Variants in ANK3 observed in about 807,000 individuals in gnomAD.
ANK3 encodes ankyrin-3.
In ANK3, 57 loss-of-function variants were observed where a neutral mutation model predicts 370.9. The observed-to-expected ratio is 0.15, with a 90% CI of 0.12 to 0.19. ANK3 has a LOEUF of 0.19. Ranked by LOEUF, ANK3 falls within the 10% of genes least tolerant of loss-of-function variation. ANK3 has a pLI of 1.00. For synonymous variants in ANK3, 1,929 were observed against 1,946.3 expected (o/e 0.99, Z 0.23); for missense variants, 4,439 against 5,302.1 (o/e 0.84, Z 5.06).
At chr10:60,098,182 T>C (rs767819382) in intron 28 of ANK3, among the ~76,000 whole-genome samples, 15 of 152,212 alleles carry the variant, frequency 9.9e-5, no homozygotes, top group Non-Finnish European at 1.6e-4. Context: ...CCAGCACAAT[T>C]CTGTTCACAT....
chr10:60,187,036 G>A lies in ANK3; in HGVS notation c.1888-124C>T, dbSNP rs184932023. ...TGATTGCTTAAGAAATCATGATTAAGTAAGCAAATACTGGTAAACCAAGTG... is the reference window on the plus strand; with the variant it reads ...TGATTGCTTAAGAAATCATGATTAAATAAGCAAATACTGGTAAACCAAGTG... On this transcript the variant is annotated intron_variant, in intron 16 of 43. Transcript: ENST00000280772. 8.2e-4 allele frequency: 764 copies of A among 926,750 alleles called. 1 individual carries two copies. The African/African-American group carries it at 0.011, about 13-fold the overall frequency. 57.4% of individuals were successfully genotyped at this position (926,750 alleles called of 1,614,324 possible).
chr10:60,592,969 T>A lies in ANK3; in HGVS notation c.96+22217A>T, dbSNP rs117632989. On this transcript the variant is annotated intron_variant, in intron 2 of 43. Transcript: ENST00000373827. ...CTAACCTTCTTTCCAAAGGCCCATA[T>A]CCTGGTGGAGAGAAGGGGTAGAAAG... Among the ~76,000 whole-genome samples the A allele has an allele frequency of 5.4e-3, 824 of 152,220 alleles. 3 individuals are homozygous for A. The highest frequency in any genetic ancestry group is 8.5e-3 in the Non-Finnish European group (580 of 68,012).
chr10:60,729,406 C>A (rs2079989285), intron 1 of ANK3, among the ~76,000 whole-genome samples: 1 of 152,124 alleles, frequency 6.6e-6, no homozygotes, highest in South Asian at 2.1e-4. Context: ...AATAAATCAC[C>A]ATAGTTATCT....
At chr10:60,656,253 C>T (rs959563264) in intron 1 of ANK3, among the ~76,000 whole-genome samples, 7 of 145,792 alleles carry the variant, frequency 4.8e-5, no homozygotes, top group Admixed American at 1.4e-4. Flanking sequence ...TGGTTCAAAG[C>T]ATTAGTACCT....
intron 1 of ANK3, among the ~76,000 whole-genome samples, chr10:60,366,451 A>C (rs575440319): frequency 6.6e-6 from 1 of 152,154 alleles, no homozygotes; most frequent in Non-Finnish European, 1.5e-5. Context: ...CACTTTCAGC[A>C]CCTCCTCCAG....
chr10:60,118,529 C>G (rs1366766192), intron 25 of ANK3, among the ~76,000 whole-genome samples: 1 of 151,914 alleles, frequency 6.6e-6, no homozygotes, highest in Admixed American at 6.6e-5. Context: ...TATGGATTAA[C>G]CAAATATGAG....
intron 2 of ANK3, among the ~76,000 whole-genome samples, chr10:60,585,386 T>C (rs955175948): frequency 4.6e-5 from 7 of 152,088 alleles, no homozygotes; most frequent in African/African-American, 1.7e-4. Context: ...AAAGTTTAAG[T>C]ATAGGATAGA....
chr10:60,175,751 G>C (rs374083613), intron 18 of ANK3, among the ~76,000 whole-genome samples: 3 of 152,196 alleles, frequency 2.0e-5, no homozygotes, highest in Non-Finnish European at 4.4e-5. Context: ...CCAGGAGCCC[G>C]GGCCTCAGAG....
chr10:60,459,574 C>T (rs571894895), intron 2 of ANK3, among the ~76,000 whole-genome samples: 8 of 152,272 alleles, frequency 5.3e-5, no homozygotes, highest in East Asian at 1.9e-4. Context: ...GCTGATGCAT[C>T]ATTCTAGGTC....
intron 2 of ANK3, among the ~76,000 whole-genome samples, chr10:60,569,667 G>A (rs2077545673): frequency 6.6e-6 from 1 of 152,120 alleles, no homozygotes. Context: ...CATTTACCTT[G>A]ATGACTCCAT....
intron 2 of ANK3, among the ~76,000 whole-genome samples, chr10:60,441,435 A>AT (rs2064297553): frequency 6.6e-6 from 1 of 152,012 alleles, no homozygotes. Context: ...TCAGAAGCCC[A>AT]TTTTTTCCTC....
In ANK3 at chr10:60,270,164, A is replaced by G. The variant is rs2097948939; in HGVS notation, c.480T>C (p.Leu160=). The G allele has an allele frequency of 3.8e-6, 6 of 1,599,270 alleles. No individual in the cohort carries two copies. Among genetic ancestry groups the G allele is most frequent in the Admixed American group, 1.7e-5 (1 of 58,846 alleles). ...CTAGGCTCTGGCTTGCACCATTGTCAAGAAGAAACTTGACAACTTCCAGGT... is the reference window on the plus strand; with the variant it reads ...CTAGGCTCTGGCTTGCACCATTGTCGAGAAGAAACTTGACAACTTCCAGGT... ...ENHLEVVKFL[L]DNGASQSLAT... Residue 160 remains leucine (L), a synonymous_variant, in exon 5 of 44, where the codon CTT becomes CTC. Coordinates refer to ENST00000280772, the MANE Select transcript of ANK3 (RefSeq NM_020987.5).
chr10:60,336,829 A>G (rs550763497), intron 1 of ANK3, among the ~76,000 whole-genome samples: 2 of 152,292 alleles, frequency 1.3e-5, no homozygotes, highest in South Asian at 2.1e-4. Flanking sequence ...CAGTAAGAAA[A>G]GTACCCAATG....
At position 60,075,332 on chromosome 10, in the gene ANK3, G is replaced by T. The variant is rs1295854765; in HGVS notation, c.5549C>A (p.Ala1850Glu). ...PDSNSFTKSA[A>E]ALLSPIKTLT... Reference sequence around the variant, plus strand: ...TGTTTTAATGGGTGACAGCAAGGCTGCTGCTGATTTTGTAAATGAATTAGA... The same window carrying T: ...TGTTTTAATGGGTGACAGCAAGGCTTCTGCTGATTTTGTAAATGAATTAGA... The change falls in exon 37 of 44, where the codon GCA becomes GAA. Residue 1850 changes from alanine to glutamate, a missense_variant. Ala to Glu is a moderately radical substitution (Grantham distance 107, BLOSUM62 -1). Transcript: ENST00000280772. 1 of 1,614,048 alleles carries T rather than the reference G, an allele frequency of 6.2e-7. No homozygotes were observed. Among genetic ancestry groups the T allele is most frequent in the Non-Finnish European group, 8.5e-7 (1 of 1,180,026 alleles).
chr10:60,700,082 C>T (rs1015674732), intron 1 of ANK3, among the ~76,000 whole-genome samples: 5 of 152,104 alleles, frequency 3.3e-5, no homozygotes, highest in African/African-American at 1.2e-4. Context: ...CACTCCTCTC[C>T]CAGTCAGCTT....
intron 1 of ANK3, among the ~76,000 whole-genome samples, chr10:60,623,621 A>C (rs1454031775): frequency 6.6e-6 from 1 of 152,216 alleles, no homozygotes; most frequent in Non-Finnish European, 1.5e-5. Context: ...TTGAGCAGGA[A>C]AGTGACAATG....
At chr10:60,395,576 CTTTCTT>C (rs2063208929) in intron 2 of ANK3, among the ~76,000 whole-genome samples, 1 of 124,126 alleles carries the variant, frequency 8.1e-6, no homozygotes. Flanking sequence ...TTCTTTCTTT[CTTTCTT>C]TCTTTCTTTC....
chr10:60,034,738 A>G (rs2074523911), intron 43 of ANK3, among the ~76,000 whole-genome samples: 1 of 152,208 alleles, frequency 6.6e-6, no homozygotes, highest in Non-Finnish European at 1.5e-5. Context: ...CCCACTGAGG[A>G]CAAAGAGGTC....
intron 38 of ANK3, among the ~76,000 whole-genome samples, chr10:60,067,057 C>T (rs1476259817): frequency 1.3e-5 from 2 of 151,988 alleles, no homozygotes; most frequent in East Asian, 1.9e-4. Flanking sequence ...GTAGCCAGGA[C>T]GACAGGCATG....
Sources: gnomAD v4.1 joint callset for allele counts (sites outside exome capture counted in the v4.1 genomes callset) on GRCh38, gnomAD v4.1.1 for gene constraint, MANE v1.5 for transcripts, NCBI Gene and HGNC (gene_info 2026-07-23, HGNC 2026-07-21) for gene names.